Variants in SIRPG observed in about 807,000 individuals in gnomAD.
SIRPG encodes signal regulatory protein gamma.
Under a neutral mutation model 35.7 loss-of-function variants are expected in SIRPG, and 38 were observed. That is an observed-to-expected ratio of 1.06 (90% CI 0.82 to 1.40). The LOEUF (loss-of-function observed/expected upper bound fraction) is 1.40. SIRPG is among the 40% of genes most tolerant of loss of function. SIRPG has a pLI of 0.00. For missense variants in SIRPG, 519 were observed against 483.0 expected (o/e 1.07, Z -0.70); for synonymous variants, 215 against 190.4 (o/e 1.13, Z -1.06).
intron 4 of SIRPG, chr20:1,630,867 A>G (rs1006626056): frequency 6.6e-6 from 1 of 152,526 alleles, no homozygotes; most frequent in Admixed American, 6.5e-5. Context: ...CCCAGAAGTA[A>G]GGGGAGGACT....
At chr20:1,678,696 T>C in the SIRPG span, among the ~76,000 whole-genome samples, 2 of 152,102 alleles carry the variant, frequency 1.3e-5, no homozygotes, top group South Asian at 2.1e-4. Flanking sequence ...CCAAACTTGA[T>C]AAAATACATG....
At chr20:1,648,826 C>G (rs1321812642) in intron 2 of SIRPG, among the ~76,000 whole-genome samples, 1 of 152,094 alleles carries the variant, frequency 6.6e-6, no homozygotes, top group Non-Finnish European at 1.5e-5. Flanking sequence ...TAGAGCCAGA[C>G]AGATTGAAGA....
upstream of SIRPG, among the ~76,000 whole-genome samples, chr20:1,660,988 C>A (rs2122597817): frequency 6.6e-6 from 1 of 152,246 alleles, no homozygotes; most frequent in East Asian, 1.9e-4. Context: ...AATAATCATA[C>A]CATCTTCATA....
the SIRPG span, among the ~76,000 whole-genome samples, chr20:1,674,355 C>T: frequency 6.6e-6 from 1 of 152,156 alleles, no homozygotes; most frequent in Admixed American, 6.5e-5. Context: ...TTCGACATCA[C>T]ACAGTTCATA....
chr20:1,660,381 T>C (rs1186261979), upstream of SIRPG, among the ~76,000 whole-genome samples: 2 of 152,036 alleles, frequency 1.3e-5, no homozygotes, highest in Non-Finnish European at 2.9e-5. Flanking sequence ...TATACCACAA[T>C]ATTGTGGTAT....
intron 1 of SIRPG, among the ~76,000 whole-genome samples, chr20:1,650,004 G>GTATATATATATA (rs71193923): frequency 7.4e-4 from 73 of 98,810 alleles, no homozygotes; most frequent in African/African-American, 2.3e-3. Flanking sequence ...TTTGAAGTGT[G>GTATATATATATA]TATATATATA....
At chr20:1,638,814 C>T (rs997378581) in intron 2 of SIRPG, among the ~76,000 whole-genome samples, 4 of 148,536 alleles carry the variant, frequency 2.7e-5, no homozygotes, top group African/African-American at 1.0e-4. Flanking sequence ...TGTTCCCCTC[C>T]CTGCGTCCAT....
At position 1,636,367 on chromosome 20, in the gene SIRPG, G is replaced by T. The variant is rs772163644; in HGVS notation, c.569C>A (p.Ser190Ter). The change falls in exon 3 of 6, where the codon TCA becomes TAA. Residue 190 changes from serine (S) to a stop codon, truncating the protein, a stop_gained. Transcript: ENST00000303415. LOFTEE classifies it high-confidence loss of function. The part of the protein sequence containing the change: ...LKWFKNGNEL[S>*]DFQTNVDPTG... ...GGGGTCCACGTTGGTCTGGAAGTCTGAGAGCTCATTCCCATTTTTGAACCA... is the reference window on the plus strand; with the variant it reads ...GGGGTCCACGTTGGTCTGGAAGTCTTAGAGCTCATTCCCATTTTTGAACCA... The T allele has an allele frequency of 1.9e-6, 3 of 1,614,246 alleles. No individual in the cohort carries two copies. The Admixed American group carries it at 5.0e-5, about 27-fold the overall frequency.
At chr20:1,657,573 T>C in intron 1 of SIRPG, 69 bp downstream of exon 1, 2 of 1,482,906 alleles carry the variant, frequency 1.3e-6, no homozygotes, top group Non-Finnish European at 9.4e-7. Context: ...CTGAAATTGC[T>C]GCAAGTCCAG....
chr20:1,670,231 G>A, the SIRPG span: 1 of 256,774 alleles, frequency 3.9e-6, no homozygotes, highest in South Asian at 5.8e-5. Flanking sequence ...TAACCTCCAA[G>A]AAGGGTGGAA....
At chr20:1,640,433 G>A (rs1265880145) in intron 2 of SIRPG, among the ~76,000 whole-genome samples, 1 of 152,138 alleles carries the variant, frequency 6.6e-6, no homozygotes, top group Non-Finnish European at 1.5e-5. Flanking sequence ...GTATAGGAAT[G>A]CTTGTGATTT....
the SIRPG span, among the ~76,000 whole-genome samples, chr20:1,674,217 A>AT: frequency 0.39 from 57,892 of 149,718 alleles, 12,451 homozygotes; most frequent in Admixed American, 0.5. Flanking sequence ...CTGGATTTAA[A>AT]TTTTTTTTTT....
chr20:1,651,144 G>A (rs769646357), intron 1 of SIRPG: 3 of 152,208 alleles, frequency 2.0e-5, no homozygotes, highest in East Asian at 1.9e-4. Context: ...ATGAAATGAT[G>A]CCATATGGCA....
At chr20:1,656,903 C>T (rs754159206) in intron 1 of SIRPG, among the ~76,000 whole-genome samples, 3 of 152,076 alleles carry the variant, frequency 2.0e-5, no homozygotes, top group Admixed American at 2.0e-4. Flanking sequence ...AAAAATCAGA[C>T]CTTGGCGATG....
In SIRPG at chr20:1,636,254, C is replaced by A; in HGVS notation, c.682G>T (p.Val228Leu). The A allele has an allele frequency of 1.2e-6, 2 of 1,614,202 alleles. No individual in the cohort carries two copies. The highest frequency in any genetic ancestry group is 1.3e-5 in the African/African-American group (1 of 75,056). ...WDVRSQVICE[V>L]AHVTLQGDPL... is the part of the protein sequence containing the mutation. ...TCCCCCTGCAAGGTGACATGGGCCA[C>A]CTCGCAGATGACCTGAGAGCGAACG... The change falls in exon 3 of 6, where the codon GTG becomes TTG. Residue 228 changes from valine to leucine, a missense_variant. By Grantham distance (32) the Val-to-Leu change is conservative (BLOSUM62 1). Coordinates refer to ENST00000303415, the MANE Select transcript of SIRPG (RefSeq NM_018556.4).
the SIRPG span, among the ~76,000 whole-genome samples, chr20:1,675,018 C>T: frequency 1.3e-5 from 2 of 152,130 alleles, no homozygotes; most frequent in Non-Finnish European, 2.9e-5. Flanking sequence ...GACTGCACAC[C>T]CAATTGTCCC....
chr20:1,679,835 A>G, the SIRPG span, among the ~76,000 whole-genome samples: 1 of 140,918 alleles, frequency 7.1e-6, no homozygotes, highest in Non-Finnish European at 1.6e-5. Flanking sequence ...GATTGGCTCA[A>G]CCATTTGGGA....
chr20:1,655,265 T>C (rs188015137), intron 1 of SIRPG, among the ~76,000 whole-genome samples: 1 of 152,320 alleles, frequency 6.6e-6, no homozygotes, highest in African/African-American at 2.4e-5. Context: ...AGCCAAGATA[T>C]GGAATCAACC....
At chr20:1,635,157 T>C in intron 4 of SIRPG, 110 bp downstream of exon 4, 1 of 897,166 alleles carries the variant, frequency 1.1e-6, no homozygotes. Context: ...GAGCTGACAT[T>C]AAAATTTTAC....
Sources: allele counts gnomAD v4.1 joint callset (sites outside exome capture counted in the v4.1 genomes callset), GRCh38; gene constraint gnomAD v4.1.1; transcripts MANE v1.5; gene names NCBI Gene and HGNC (gene_info 2026-07-23, HGNC 2026-07-21).